NCOR2: variants seen among roughly 807,000 people sequenced by gnomAD.
The protein encoded by NCOR2 is nuclear receptor corepressor 2, also known as CTG repeat protein 26.
NCOR2 carries 81 observed loss-of-function variants against 262.9 expected under a neutral mutation model. The ratio of observed to expected loss-of-function variants is 0.31; its 90% CI spans 0.26 to 0.37. The LOEUF (loss-of-function observed/expected upper bound fraction) is 0.37. Among genes scored for constraint, NCOR2 ranks in the 10% least tolerant of loss-of-function variants. The pLI is 1.00. For synonymous variants in NCOR2, 1,659 were observed against 1,559.3 expected (o/e 1.06, Z -1.51); for missense variants, 3,385 against 3,621.4 (o/e 0.93, Z 1.68).
At chr12:124,509,235 T>TTGGG (rs1555234137) in intron 1 of NCOR2, among the ~76,000 whole-genome samples, 1 of 55,072 alleles carries the variant, frequency 1.8e-5, no homozygotes, top group African/African-American at 7.5e-5. Flanking sequence ...CTGGCTTTGG[T>TTGGG]GGGGGGGGGG....
rs909286787 is a variant in NCOR2, at chr12:124,503,492, T to TGATGGATGGATG, written c.-117-8136_-117-8125dup. ...ATGGATGGATGGATGGATGATGGATTGATGGATGGATGGATGGATGGACAG... is the reference window on the plus strand; with the variant it reads ...ATGGATGGATGGATGGATGATGGATTGATGGATGGATGGATGGATGGATGGATGGATGGACAG... On this transcript the variant is annotated intron_variant, in intron 1 of 46. Transcript: ENST00000404621. The surrounding 1 kb of genome is among the most constrained non-coding windows in gnomAD (Gnocchi z 4.3). Among the ~76,000 whole-genome samples the TGATGGATGGATG allele has an allele frequency of 6.8e-6, 1 of 147,584 alleles. No homozygotes were observed. The highest frequency in any genetic ancestry group is 1.5e-5 in the Non-Finnish European group (1 of 66,262).
chr12:124,355,598 G>A (rs2037884197), intron 23 of NCOR2, 27 bp from the exon 26 acceptor site: 2 of 1,537,028 alleles, frequency 1.3e-6, no homozygotes, highest in Admixed American at 4.0e-5. Flanking sequence ...TGTCCATTGT[G>A]GGGCCCAGGA....
At chr12:124,542,714 C>G (rs935536372) in intron 1 of NCOR2, 1 of 152,352 alleles carries the variant, frequency 6.6e-6, no homozygotes. Flanking sequence ...TGCCGTGAGA[C>G]ATGGAGGCGG....
At chr12:124,381,709 A>G (rs967288583) in intron 17 of NCOR2, among the ~76,000 whole-genome samples, 11 of 152,242 alleles carry the variant, frequency 7.2e-5, no homozygotes, top group African/African-American at 2.7e-4. Context: ...ATCTCTCTGC[A>G]GGCCTGTGCA....
In NCOR2 at chr12:124,495,152, G is replaced by A. The variant is rs1593820574; in HGVS notation, c.100C>T (p.His34Tyr). ...ACACATGTGCACCCCCTTACCGTGT[G>A]CGTCCGGGCGATCTGCACTGGGTAG... Residue 34 changes from histidine (H) to tyrosine (Y), a missense_variant, in exon 1 of 47, where the codon CAC (histidine) becomes TAC (tyrosine). Coordinates refer to ENST00000405201, the Ensembl canonical transcript of NCOR2. This position sits in a 1 kb window ranked among gnomAD's most constrained non-coding sequence, Gnocchi z 4.4. 6.2e-7 allele frequency: 1 copy of A among 1,613,886 alleles called. No individual in the cohort carries two copies. The highest frequency in any genetic ancestry group is 8.5e-7 in the Non-Finnish European group (1 of 1,179,952).
chr12:124,358,586 C>A (rs1371820164), intron 22 of NCOR2, among the ~76,000 whole-genome samples: 3 of 152,228 alleles, frequency 2.0e-5, no homozygotes, highest in African/African-American at 4.8e-5. Flanking sequence ...CACACAGAGA[C>A]TGCTGCCAGA....
Position 124,517,799 on chromosome 12 carries a change from C to T in NCOR2, c.-118+17766G>A, listed in dbSNP as rs1464418090. On this transcript the variant is annotated intron_variant, in intron 1 of 46. Coordinates refer to the NCOR2 transcript ENST00000404621. This position sits in a 1 kb window ranked among gnomAD's most constrained non-coding sequence, Gnocchi z 7.6. ...CCCCGGCCTGCCCGGCCAGCGCCTC[C>T]GAGCGCTCTTTTCCGTGACTGCAGC... Among the ~76,000 whole-genome samples, 1 of 152,236 alleles carries T rather than the reference C, an allele frequency of 6.6e-6. No individual in the cohort carries two copies. The highest frequency in any genetic ancestry group is 2.4e-5 in the African/African-American group (1 of 41,462).
chr12:124,425,421 T>C (rs1462658243), intron 11 of NCOR2, among the ~76,000 whole-genome samples: 2 of 152,156 alleles, frequency 1.3e-5, no homozygotes, highest in Non-Finnish European at 2.9e-5. Flanking sequence ...GAGATTTTTT[T>C]TGTGATTTTT....
chr12:124,507,432 C>A (rs536780103), intron 1 of NCOR2, among the ~76,000 whole-genome samples: 5 of 152,174 alleles, frequency 3.3e-5, no homozygotes, highest in Non-Finnish European at 4.4e-5. Context: ...TGTTGTTCCG[C>A]GGTGGCCCCA....
intron 18 of NCOR2, among the ~76,000 whole-genome samples, chr12:124,377,705 G>A (rs1026706271): frequency 4.6e-5 from 7 of 151,878 alleles, no homozygotes; most frequent in East Asian, 1.9e-4. Context: ...CGGGTGTGGC[G>A]GCGGGCACCT....
chr12:124,537,417 A>G (rs960377565), upstream of NCOR2, among the ~76,000 whole-genome samples: 2 of 152,188 alleles, frequency 1.3e-5, no homozygotes, highest in African/African-American at 2.4e-5. Flanking sequence ...CCCCTCCCAC[A>G]AGGGAGCAGC....
At position 124,434,534 on chromosome 12, in the gene NCOR2, T is replaced by G. The variant is rs572458475; in HGVS notation, c.882+3396A>C. ...CCCCCAAGGAGCCACTGGCGATCTTTAAAGAACTCAAGCCCACCCCAACTC... is the reference window on the plus strand; with the variant it reads ...CCCCCAAGGAGCCACTGGCGATCTTGAAAGAACTCAAGCCCACCCCAACTC... On this transcript the variant is annotated intron_variant, in intron 8 of 46. Transcript: ENST00000405201. Among the ~76,000 whole-genome samples the G allele has an allele frequency of 1.6e-4, 25 of 152,140 alleles. 1 individual carries two copies. In the South Asian group the frequency reaches 5.0e-3, roughly 30 times the overall value.
chr12:124,329,810 T>G (rs2035025030), intron 44 of NCOR2, among the ~76,000 whole-genome samples: 1 of 152,210 alleles, frequency 6.6e-6, no homozygotes, highest in Non-Finnish European at 1.5e-5. Context: ...TGCCATGAGT[T>G]TTTACACACA....
intron 39 of NCOR2, 76 bp from the exon 42 acceptor site, chr12:124,335,356 C>G: frequency 6.7e-7 from 1 of 1,500,948 alleles, no homozygotes; most frequent in Middle Eastern, 2.3e-4. Flanking sequence ...AGCCCCATGC[C>G]TTTGAGCCTC....
chr12:124,356,426 C>A (rs1593189429), intron 23 of NCOR2, among the ~76,000 whole-genome samples: 1 of 152,250 alleles, frequency 6.6e-6, no homozygotes, highest in African/African-American at 2.4e-5. Flanking sequence ...GCTCAAGCAC[C>A]TGCTGTGGCT....
rs757234397 is a variant in NCOR2 at position 124,372,422 on chromosome 12, T to G, written c.2407A>C (p.Thr803Pro). 5.3e-5 allele frequency: 64 copies of G among 1,206,808 alleles called. No homozygotes were observed. In the African/African-American group the frequency reaches 1.2e-3, roughly 22 times the overall value. The allele number at this position is 1,206,808 out of a possible 1,614,324, so 74.8% of individuals were successfully genotyped here. The change falls in exon 20 of 47, where the codon ACC becomes CCC. Residue 803 changes from threonine to proline, a missense_variant. Physicochemically the swap from Thr to Pro is conservative, Grantham distance 38. Around this residue, in one of 5 missense-constraint regions of NCOR2, gnomAD observed 1,615 missense variants for 1,626.9 expected, o/e 0.99. Coordinates refer to ENST00000405201, the Ensembl canonical transcript of NCOR2. ...GCTGGTGGGGGCGTAGGGGCTCCGG[T>G]GGCTTCAGAGGCCGGGGTGGGCTCA...
At chr12:124,542,217 C>A (rs185190662) in intron 1 of NCOR2, among the ~76,000 whole-genome samples, 128 of 152,134 alleles carry the variant, frequency 8.4e-4, no homozygotes, top group African/African-American at 3.0e-3. Flanking sequence ...CTGCAGCAGC[C>A]ACAGGAACAG....
chr12:124,562,265 C>G (rs903618266), intron 1 of NCOR2: 1 of 152,228 alleles, frequency 6.6e-6, no homozygotes, highest in African/African-American at 2.4e-5. Context: ...CACCTAGTGG[C>G]TAAAGCACGG....
intron 1 of NCOR2, among the ~76,000 whole-genome samples, chr12:124,506,987 T>TG (rs2049080778): frequency 6.6e-6 from 1 of 152,114 alleles, no homozygotes; most frequent in Admixed American, 6.5e-5. Flanking sequence ...CGGACGGGGT[T>TG]GGGGTCCTGG....
Sources: allele counts gnomAD v4.1 joint callset (sites outside exome capture counted in the v4.1 genomes callset), GRCh38; gene constraint gnomAD v4.1.1; regional missense constraint gnomAD v4.1.1; non-coding constraint Gnocchi (gnomAD v3.1); transcripts MANE v1.5; gene names NCBI Gene and HGNC (gene_info 2026-07-23, HGNC 2026-07-21).